ZMYND8: variants seen among roughly 807,000 people sequenced by gnomAD.
ZMYND8 encodes the protein zinc finger MYND-type containing 8.
Under a neutral mutation model 140.8 loss-of-function variants are expected in ZMYND8, and 37 were observed. That is an observed-to-expected ratio of 0.26 (90% CI 0.20 to 0.35). The LOEUF is 0.35. ZMYND8 is among the 10% of genes least tolerant of loss of function. The probability of loss-of-function intolerance (pLI) is 1.00; values close to 1 mark genes in which losing one functional copy is unlikely to be tolerated. For missense variants in ZMYND8, 1,068 were observed against 1,570.0 expected (o/e 0.68, Z 5.40); for synonymous variants, 592 against 597.1 (o/e 0.99, Z 0.12).
intron 7 of ZMYND8, among the ~76,000 whole-genome samples, chr20:47,287,515 T>C (rs1057104522): frequency 1.3e-5 from 2 of 152,190 alleles, no homozygotes; most frequent in Non-Finnish European, 2.9e-5. Flanking sequence ...AACTGAGCAA[T>C]TTATGTGGGT....
intron 13 of ZMYND8, among the ~76,000 whole-genome samples, chr20:47,246,840 G>T (rs1205526166): frequency 6.6e-6 from 1 of 152,122 alleles, no homozygotes; most frequent in African/African-American, 2.4e-5. Context: ...AATGAAGAGG[G>T]CTGGAAGGGA....
chr20:47,212,319 A>C (rs1382188522), intron 22 of ZMYND8, among the ~76,000 whole-genome samples: 1 of 152,206 alleles, frequency 6.6e-6, no homozygotes, highest in African/African-American at 2.4e-5. Flanking sequence ...CTCACTCCTC[A>C]TATGGAGAGG....
In ZMYND8 at chr20:47,347,924, A is replaced by G. The variant is rs1386720455; in HGVS notation, c.17T>C (p.Leu6Ser). The G allele has an allele frequency of 6.2e-7, 1 of 1,613,840 alleles. No homozygotes were observed. Among genetic ancestry groups the G allele is most frequent in the Admixed American group, 1.7e-5 (1 of 60,024 alleles). The change falls in exon 2 of 23, where the codon TTG becomes TCG. Residue 6 changes from leucine (L) to serine (S), a missense_variant and splice_region_variant. Leu to Ser is a moderately radical substitution (Grantham distance 145). Coordinates refer to ENST00000471951, the MANE Select transcript of ZMYND8 (RefSeq NM_001281775.3). ...TTCTGTTTTTATTTCCTCTTCAGCC[A>G]AGCTGAAACAGAGCAAATTATGTTC... Reference protein sequence around the residue: MHPQSLAEEEIKTEQE... With the variant: MHPQSSAEEEIKTEQE...
chr20:47,315,000 A>T (rs1210567343), intron 2 of ZMYND8, among the ~76,000 whole-genome samples: 1 of 152,224 alleles, frequency 6.6e-6, no homozygotes, highest in Non-Finnish European at 1.5e-5. Flanking sequence ...ATGGAGTCAT[A>T]GCTTCCTTCA....
At chr20:47,338,673 T>C (rs768997683) in intron 2 of ZMYND8, among the ~76,000 whole-genome samples, 3 of 152,118 alleles carry the variant, frequency 2.0e-5, no homozygotes, top group Non-Finnish European at 4.4e-5. Flanking sequence ...CGCCACTCAC[T>C]ATGGGGCACG....
In ZMYND8 at chr20:47,221,441, A is replaced by G. The variant is rs773231350; in HGVS notation, c.3290T>C (p.Val1097Ala). 2 of 1,613,924 alleles carry G rather than the reference A, an allele frequency of 1.2e-6. No individual in the cohort carries two copies. The highest frequency in any genetic ancestry group is 1.3e-5 in the African/African-American group (1 of 74,896). The change falls in exon 20 of 23, where the codon GTG becomes GCG. Residue 1097 changes from valine to alanine, a missense_variant. Physicochemically the swap from Val to Ala is moderately conservative, Grantham distance 64. Coordinates refer to ENST00000471951, the MANE Select transcript of ZMYND8 (RefSeq NM_001281775.3). ...TAPQQEADAE[V>A]NTETLNKSSQ... ...GGACTTATTTAGTGTTTCTGTGTTC[A>G]CCTCAGCATCCGCTTCCTGCTGAGG... is the stretch of plus-strand genomic sequence containing the variant.
rs189702179 is a variant in ZMYND8 at position 47,255,348 on chromosome 20, G to A, written c.1622-5909C>T. 7.3e-3 allele frequency among the ~76,000 whole-genome samples: 1,103 copies of A among 151,758 alleles called. 18 individuals are homozygous for A. The highest frequency in any genetic ancestry group is 0.025 in the African/African-American group (1,038 of 41,370). ...TGCTTTGAAATTTTTGTTACCATAT[G>A]TACTCATTACTTATAAAAACAAACT... On this transcript the variant is annotated intron_variant, in intron 12 of 22. Coordinates refer to ENST00000471951, the MANE Select transcript of ZMYND8 (RefSeq NM_001281775.3).
intron 10 of ZMYND8, among the ~76,000 whole-genome samples, chr20:47,281,573 G>C (rs572322635): frequency 6.6e-6 from 1 of 152,186 alleles, no homozygotes; most frequent in African/African-American, 2.4e-5. Context: ...CGGAGGGAAA[G>C]GGGAGGGCAG....
intron 2 of ZMYND8, chr20:47,318,554 T>C (rs886822900): frequency 1.7e-5 from 6 of 362,128 alleles, no homozygotes; most frequent in Admixed American, 3.7e-5. Flanking sequence ...GGAAGCAAAA[T>C]TGTCCTCGCA....
At chr20:47,328,455 C>T (rs1354012650) in intron 2 of ZMYND8, among the ~76,000 whole-genome samples, 1 of 152,008 alleles carries the variant, frequency 6.6e-6, no homozygotes, top group African/African-American at 2.4e-5. Flanking sequence ...AACCCCTCTG[C>T]CACCCCACAA....
At chr20:47,251,752 C>T (rs1355962609) in intron 12 of ZMYND8, among the ~76,000 whole-genome samples, 1 of 151,632 alleles carries the variant, frequency 6.6e-6, no homozygotes, top group African/African-American at 2.4e-5. Flanking sequence ...TCTGCCCAGT[C>T]GCCCCACCAT....
chr20:47,243,283 T>C (rs2040183320), intron 14 of ZMYND8, among the ~76,000 whole-genome samples: 2 of 152,134 alleles, frequency 1.3e-5, no homozygotes, highest in Admixed American at 6.5e-5. Context: ...TCTAGCGGAG[T>C]CTGACACGAG....
intron 5 of ZMYND8, among the ~76,000 whole-genome samples, chr20:47,293,703 C>T (rs1470018981): frequency 2.0e-5 from 3 of 152,230 alleles, no homozygotes; most frequent in African/African-American, 4.8e-5. Context: ...TAGGAGGTTT[C>T]ACTTTGCAAC....
At chr20:47,277,651 T>TTTTATTTATTTATTTATTTA (rs35308600) in intron 10 of ZMYND8, among the ~76,000 whole-genome samples, 46 of 147,520 alleles carry the variant, frequency 3.1e-4, no homozygotes, top group Non-Finnish European at 5.4e-4. Context: ...AATTAATTCA[T>TTTTATTTATTTATTTATTTA]TTTATTTATT....
At chr20:47,294,371 CA>C (rs34089691) in intron 5 of ZMYND8, among the ~76,000 whole-genome samples, 32 of 145,102 alleles carry the variant, frequency 2.2e-4, no homozygotes, top group East Asian at 4.0e-4. Flanking sequence ...AACAAACAAA[CA>C]AAAAAAAAAA....
chr20:47,210,566 G>A lies in ZMYND8; in HGVS notation c.*195C>T. The stretch of plus-strand genomic sequence containing the variant: ...CCAAAAGCACAGGGCTCGTGTGGGT[G>A]AACAGTCTGCAGTCAAAGCCGATGC... On this transcript the variant is annotated 3_prime_UTR_variant, in exon 23 of 23. Coordinates refer to ENST00000471951, the MANE Select transcript of ZMYND8 (RefSeq NM_001281775.3). 1 of 717,042 alleles carries A rather than the reference G, an allele frequency of 1.4e-6. No homozygotes were observed. The highest frequency in any genetic ancestry group is 1.7e-5 in the South Asian group (1 of 57,504). 44.4% of individuals were successfully genotyped at this position (717,042 alleles called of 1,614,324 possible). A position where few individuals can be genotyped will look rare whatever the true frequency, so the allele number is the denominator to read the frequency against.
intron 7 of ZMYND8, among the ~76,000 whole-genome samples, chr20:47,287,535 G>C (rs140871471): frequency 2.9e-4 from 44 of 152,286 alleles, no homozygotes; most frequent in African/African-American, 1.0e-3. Context: ...TTTCCCTAGA[G>C]ATCATGGATT....
At chr20:47,350,412 A>T (rs1310940328) in intron 1 of ZMYND8, among the ~76,000 whole-genome samples, 1 of 151,448 alleles carries the variant, frequency 6.6e-6, no homozygotes, top group Admixed American at 6.6e-5. Context: ...AGCCACATCT[A>T]AAGGGACTTC....
intron 2 of ZMYND8, among the ~76,000 whole-genome samples, chr20:47,339,755 C>T (rs1271435149): frequency 1.3e-5 from 2 of 152,132 alleles, no homozygotes; most frequent in Admixed American, 6.5e-5. Context: ...GGATCACAGG[C>T]GTGAGTGAGG....
Sources: gnomAD v4.1 joint callset for allele counts (sites outside exome capture counted in the v4.1 genomes callset) on GRCh38, gnomAD v4.1.1 for gene constraint, MANE v1.5 for transcripts, NCBI Gene and HGNC (gene_info 2026-07-23, HGNC 2026-07-21) for gene names.